AOAH: variants seen among roughly 807,000 people sequenced by gnomAD.
AOAH encodes the protein acyloxyacyl hydrolase (neutrophil).
Under a neutral mutation model 92.2 loss-of-function variants are expected in AOAH, and 64 were observed. The observed-to-expected ratio is 0.69, with a 90% confidence interval of 0.57 to 0.86. AOAH has a LOEUF of 0.86. Ranked by LOEUF, AOAH falls within the 40% of genes least tolerant of loss-of-function variation. The pLI, the probability that AOAH is intolerant of heterozygous loss-of-function variation, is 0.00. For synonymous variants in AOAH, 263 were observed against 254.5 expected (o/e 1.03, Z -0.32); for missense variants, 656 against 694.6 (o/e 0.94, Z 0.62).
chr7:36,546,589 G>T (rs1785817062), intron 15 of AOAH, among the ~76,000 whole-genome samples: 1 of 152,234 alleles, frequency 6.6e-6, no homozygotes, highest in African/African-American at 2.4e-5. Flanking sequence ...GGAAAAGTAG[G>T]ACTGGGCTGG....
intron 13 of AOAH, among the ~76,000 whole-genome samples, chr7:36,573,557 A>G (rs1362714931): frequency 1.3e-5 from 2 of 152,108 alleles, no homozygotes; most frequent in Non-Finnish European, 2.9e-5. Flanking sequence ...GTCTCTACTA[A>G]AAATACAAAA....
intron 11 of AOAH, among the ~76,000 whole-genome samples, chr7:36,609,818 G>A (rs570489959): frequency 6.6e-6 from 1 of 152,106 alleles, no homozygotes; most frequent in African/African-American, 2.4e-5. Flanking sequence ...TCCGATCACA[G>A]GGCTTGGCAC....
At chr7:36,592,442 C>A (rs1429090185) in intron 12 of AOAH, among the ~76,000 whole-genome samples, 1 of 152,136 alleles carries the variant, frequency 6.6e-6, no homozygotes, top group African/African-American at 2.4e-5. Flanking sequence ...GCAGGCCACA[C>A]CTCTACATGG....
At chr7:36,654,593 T>C (rs1238766203) in intron 4 of AOAH, among the ~76,000 whole-genome samples, 4 of 152,172 alleles carry the variant, frequency 2.6e-5, no homozygotes, top group Non-Finnish European at 5.9e-5. Flanking sequence ...ATGAGCTCCC[T>C]GCTACAGAGG....
At chr7:36,618,718 C>G (rs1792076910) in intron 9 of AOAH, among the ~76,000 whole-genome samples, 1 of 152,286 alleles carries the variant, frequency 6.6e-6, no homozygotes, top group African/African-American at 2.4e-5. Flanking sequence ...GTCCTGACAT[C>G]TTCAGTACCT....
chr7:36,583,442 G>C (rs913268399), intron 12 of AOAH, among the ~76,000 whole-genome samples: 2 of 152,148 alleles, frequency 1.3e-5, no homozygotes, highest in African/African-American at 4.8e-5. Flanking sequence ...TCAGTCCTTT[G>C]ATATTAGCCA....
At chr7:36,666,954 T>A (rs1336261338) in intron 3 of AOAH, among the ~76,000 whole-genome samples, 1 of 152,234 alleles carries the variant, frequency 6.6e-6, no homozygotes, top group African/African-American at 2.4e-5. Context: ...TTCTTTTAAA[T>A]TAAAATGTGT....
chr7:36,570,062 A>G (rs932121056), intron 13 of AOAH, among the ~76,000 whole-genome samples: 7 of 152,302 alleles, frequency 4.6e-5, no homozygotes, highest in South Asian at 2.1e-4. Context: ...TAAGCGCACA[A>G]TACAGTACTA....
chr7:36,576,778 C>A (rs1169740665), intron 12 of AOAH, 122 bp from the exon 13 acceptor site: 1 of 521,060 alleles, frequency 1.9e-6, no homozygotes, highest in African/African-American at 2.0e-5. Context: ...AAAATCAAAT[C>A]TCTGCTGACA....
intron 19 of AOAH, among the ~76,000 whole-genome samples, chr7:36,529,689 CAG>C (rs1490527326): frequency 2.6e-5 from 4 of 152,104 alleles, no homozygotes; most frequent in Admixed American, 2.6e-4. Context: ...TGGCAGTCAA[CAG>C]GGGGCTTTGC....
intron 11 of AOAH, among the ~76,000 whole-genome samples, chr7:36,611,095 G>C (rs563085784): frequency 1.8e-4 from 28 of 152,284 alleles, no homozygotes; most frequent in Non-Finnish European, 3.7e-4. Flanking sequence ...GAGCAAAATG[G>C]ATCTCTTATT....
intron 19 of AOAH, among the ~76,000 whole-genome samples, chr7:36,526,851 T>G (rs896013175): frequency 3.3e-5 from 5 of 152,224 alleles, no homozygotes; most frequent in Non-Finnish European, 5.9e-5. Context: ...AAGAAAAGGC[T>G]GCTTTCTGGC....
At chr7:36,700,228 T>C (rs1421119065) in intron 1 of AOAH, among the ~76,000 whole-genome samples, 2 of 152,134 alleles carry the variant, frequency 1.3e-5, no homozygotes, top group Non-Finnish European at 2.9e-5. Context: ...TTTTATTACA[T>C]GGATATATTG....
At chr7:36,678,577 G>GTGTGTGTT (rs1554314258) in intron 2 of AOAH, among the ~76,000 whole-genome samples, 2 of 127,464 alleles carry the variant, frequency 1.6e-5, no homozygotes, top group Admixed American at 1.5e-4. Context: ...GTGTGTGTGT[G>GTGTGTGTT]TGTGTGTGTG....
intron 4 of AOAH, among the ~76,000 whole-genome samples, chr7:36,638,736 C>G (rs919344632): frequency 7.9e-5 from 12 of 152,214 alleles, no homozygotes; most frequent in African/African-American, 2.9e-4. Context: ...AAGTAATCTG[C>G]TCAACAATTG....
chr7:36,632,764 A>T (rs1413389199), intron 5 of AOAH, among the ~76,000 whole-genome samples: 1 of 152,254 alleles, frequency 6.6e-6, no homozygotes, highest in Non-Finnish European at 1.5e-5. Context: ...CAATGAAGGG[A>T]GAGAGACACT....
chr7:36,663,631 T>C (rs1227686840), intron 3 of AOAH, among the ~76,000 whole-genome samples: 1 of 152,198 alleles, frequency 6.6e-6, no homozygotes, highest in East Asian at 1.9e-4. Flanking sequence ...CTCCATGTCT[T>C]TTTATGACTT....
intron 4 of AOAH, among the ~76,000 whole-genome samples, chr7:36,638,993 G>A (rs189723290): frequency 6.6e-6 from 1 of 152,274 alleles, no homozygotes; most frequent in Non-Finnish European, 1.5e-5. Flanking sequence ...CAACTATGGG[G>A]CCACTGTGAT....
chr7:36,559,011 T>C (rs560396071), intron 13 of AOAH, among the ~76,000 whole-genome samples: 1 of 152,360 alleles, frequency 6.6e-6, no homozygotes, highest in Non-Finnish European at 1.5e-5. Flanking sequence ...TGGCACTCCC[T>C]AGTGAGATGA....
Sources: gnomAD v4.1 joint callset for allele counts (sites outside exome capture counted in the v4.1 genomes callset) on GRCh38, gnomAD v4.1.1 for gene constraint, MANE v1.5 for transcripts, NCBI Gene and HGNC (gene_info 2026-07-23, HGNC 2026-07-21) for gene names.